PTPRG: variants seen among roughly 807,000 people sequenced by gnomAD.
PTPRG encodes receptor-type tyrosine-protein phosphatase gamma.
Under a neutral mutation model 165.3 loss-of-function variants are expected in PTPRG, and 102 were observed. The ratio of observed to expected loss-of-function variants is 0.62; its 90% CI spans 0.53 to 0.73. The LOEUF is 0.73. PTPRG is among the 30% of genes least tolerant of loss of function. The pLI is 0.00. For missense variants in PTPRG, 1,866 were observed against 1,861.4 expected, an observed-to-expected ratio of 1.00 and a Z score of -0.05; for synonymous variants, 675 against 669.5, an observed-to-expected ratio of 1.01 and a Z score of -0.13.
Position 62,203,114 on chromosome 3 carries a change from G to GA in PTPRG, c.1378-59_1378-58insA. Reference sequence around the variant, plus strand: ...CTCATTCCCAATCTCAATTACTGATGCTTCTCTGCTTTTTCTTCTTCTGCC... The same window carrying GA: ...CTCATTCCCAATCTCAATTACTGATGACTTCTCTGCTTTTTCTTCTTCTGCC... On this transcript the variant is annotated intron_variant, in intron 11 of 29. Transcript: ENST00000474889. This position sits in a 1 kb window ranked among gnomAD's most constrained non-coding sequence, Gnocchi z 6.4. 1.3e-6 allele frequency: 2 copies of GA among 1,522,240 alleles called. No homozygotes were observed. The allele number at this position is 1,522,240 out of a possible 1,614,324, so 94.3% of individuals were successfully genotyped here.
intron 2 of PTPRG, among the ~76,000 whole-genome samples, chr3:61,931,138 C>T (rs2039351724): frequency 6.6e-6 from 1 of 152,262 alleles, no homozygotes; most frequent in Non-Finnish European, 1.5e-5. Flanking sequence ...CCAACCTGAT[C>T]TTCTCTGTTT....
At chr3:62,184,010 C>G (rs955502236) in intron 8 of PTPRG, among the ~76,000 whole-genome samples, 9 of 152,204 alleles carry the variant, frequency 5.9e-5, no homozygotes, top group African/African-American at 2.2e-4. Flanking sequence ...AACTCTGGTT[C>G]AGACTCAGGC....
At chr3:61,947,100 G>A (rs1256637473) in intron 2 of PTPRG, among the ~76,000 whole-genome samples, 1 of 152,140 alleles carries the variant, frequency 6.6e-6, no homozygotes, top group Non-Finnish European at 1.5e-5. Context: ...ACCGACCAGG[G>A]TGGCAGCGTT....
At chr3:61,891,479 G>C (rs1460012282) in intron 2 of PTPRG, among the ~76,000 whole-genome samples, 1 of 152,050 alleles carries the variant, frequency 6.6e-6, no homozygotes, top group Non-Finnish European at 1.5e-5. Flanking sequence ...GTCTGTTCAT[G>C]GAAACACATC....
intron 5 of PTPRG, among the ~76,000 whole-genome samples, chr3:62,088,206 A>G (rs1460063056): frequency 2.0e-5 from 3 of 152,252 alleles, no homozygotes; most frequent in African/African-American, 7.2e-5. Flanking sequence ...GAGAGTGCCC[A>G]GGAACGCTGC....
At chr3:61,938,068 C>A (rs1329227325) in intron 2 of PTPRG, among the ~76,000 whole-genome samples, 1 of 151,790 alleles carries the variant, frequency 6.6e-6, no homozygotes, top group Non-Finnish European at 1.5e-5. Context: ...TGTTCTAAGA[C>A]TGCATTTGAA....
intron 5 of PTPRG, among the ~76,000 whole-genome samples, chr3:62,096,781 T>C (rs1702134881): frequency 2.0e-5 from 3 of 152,212 alleles, no homozygotes; most frequent in Admixed American, 2.0e-4. Context: ...GACAGATTGA[T>C]GACCAGGCTG....
At chr3:62,125,199 T>TC (rs1703242901) in intron 5 of PTPRG, among the ~76,000 whole-genome samples, 1 of 152,184 alleles carries the variant, frequency 6.6e-6, no homozygotes, top group African/African-American at 2.4e-5. Flanking sequence ...TACATGGTCT[T>TC]CCCCCGTTCC....
At chr3:61,597,319 A>T (rs1046552140) in intron 1 of PTPRG, among the ~76,000 whole-genome samples, 36 of 151,710 alleles carry the variant, frequency 2.4e-4, no homozygotes, top group African/African-American at 8.7e-4. Context: ...TGATTCTAGG[A>T]CTCCCTGTGG....
At chr3:62,139,463 TC>T (rs940113277) in intron 6 of PTPRG, among the ~76,000 whole-genome samples, 3 of 151,614 alleles carry the variant, frequency 2.0e-5, no homozygotes, top group African/African-American at 7.3e-5. Context: ...TGTCCCCCCT[TC>T]CCCCAGAAAA....
At chr3:62,265,915 A>ACACACACACACACACC in intron 17 of PTPRG, among the ~76,000 whole-genome samples, 1 of 151,342 alleles carries the variant, frequency 6.6e-6, no homozygotes, top group Admixed American at 6.6e-5. Flanking sequence ...ACACACACAC[A>ACACACACACACACACC]CACACACACA....
At chr3:62,086,169 C>T (rs928876745) in intron 5 of PTPRG, among the ~76,000 whole-genome samples, 3 of 152,042 alleles carry the variant, frequency 2.0e-5, no homozygotes, top group African/African-American at 2.4e-5. Flanking sequence ...TAATTCATTC[C>T]TTTTATTTAT....
At chr3:62,128,213 G>A (rs1381285654) in intron 5 of PTPRG, among the ~76,000 whole-genome samples, 4 of 152,140 alleles carry the variant, frequency 2.6e-5, no homozygotes, top group Admixed American at 6.6e-5. Context: ...ATGAGAGTAC[G>A]AACTCTGCAG....
rs368738742 is a variant in PTPRG at position 61,969,971 on chromosome 3, A to G, written c.191-19654A>G. Among the ~76,000 whole-genome samples the G allele has an allele frequency of 1.9e-3, 289 of 152,348 alleles. 1 individual carries two copies. The highest frequency in any genetic ancestry group is 6.7e-3 in the African/African-American group (277 of 41,576). ...TTTTTTAGATTAATACGTTTCAAAA[A>G]GATTTTGAGATAATTTTGAGTTAAA... is the stretch of plus-strand genomic sequence containing the variant. On this transcript the variant is annotated intron_variant, in intron 2 of 29. Coordinates refer to ENST00000474889, the MANE Select transcript of PTPRG (RefSeq NM_002841.4).
At chr3:61,703,467 G>A (rs56226320) in intron 1 of PTPRG, among the ~76,000 whole-genome samples, 6,665 of 152,266 alleles carry the variant, frequency 0.044, 264 homozygotes, top group African/African-American at 0.1. Context: ...GGCATTAATG[G>A]TGGAGTGATC....
chr3:62,008,278 G>T (rs1277621243), intron 4 of PTPRG, among the ~76,000 whole-genome samples: 2 of 152,162 alleles, frequency 1.3e-5, no homozygotes, highest in African/African-American at 4.8e-5. Flanking sequence ...AAAGTGGGGG[G>T]TTCATTGCAT....
rs117852450 is a variant in PTPRG at position 62,014,724 on chromosome 3, C to T, written c.519+11227C>T. Among the ~76,000 whole-genome samples the T allele has an allele frequency of 8.5e-4, 129 of 152,300 alleles. No homozygotes were observed. In the East Asian group the frequency reaches 0.019, roughly 22 times the overall value. On this transcript the variant is annotated intron_variant, in intron 4 of 29. Transcript: ENST00000474889. Reference sequence around the variant, plus strand: ...TGCTTCTTTGAATTTGTCTTTGTCTCTGATTGCCTGTCTCTATCTCTTTCA... The same window carrying T: ...TGCTTCTTTGAATTTGTCTTTGTCTTTGATTGCCTGTCTCTATCTCTTTCA...
intron 2 of PTPRG, among the ~76,000 whole-genome samples, chr3:61,977,947 C>G (rs569900739): frequency 6.6e-6 from 1 of 152,244 alleles, no homozygotes; most frequent in East Asian, 1.9e-4. Flanking sequence ...ACTTTTTCCC[C>G]CAATGAATTC....
chr3:61,932,903 G>A (rs1284993179), intron 2 of PTPRG, among the ~76,000 whole-genome samples: 1 of 152,160 alleles, frequency 6.6e-6, no homozygotes, highest in African/African-American at 2.4e-5. Flanking sequence ...CCTTGAGGAA[G>A]ACTAATCTGG....
Sources: gnomAD v4.1 joint callset for allele counts (sites outside exome capture counted in the v4.1 genomes callset) on GRCh38, gnomAD v4.1.1 for gene constraint, Gnocchi (gnomAD v3.1) non-coding constraint, MANE v1.5 for transcripts, NCBI Gene and HGNC (gene_info 2026-07-23, HGNC 2026-07-21) for gene names.